The following FRAS1 variants were observed in gnomAD, a reference collection of about 807,000 sequenced individuals.
FRAS1 encodes extracellular matrix organizing protein FRAS1.
Under a neutral mutation model 435.2 loss-of-function variants are expected in FRAS1, and 290 were observed. That is an observed-to-expected ratio of 0.67 (90% CI 0.61 to 0.73). The LOEUF (loss-of-function observed/expected upper bound fraction) is 0.73, where lower values mean the gene tolerates loss of function less well. Ranked by LOEUF, FRAS1 falls within the 30% of genes least tolerant of loss-of-function variation. FRAS1 has a pLI of 0.00. For synonymous variants in FRAS1, 1,800 were observed against 1,851.0 expected (o/e 0.97, Z 0.71); for missense variants, 4,860 against 5,001.5 (o/e 0.97, Z 0.85).
chr4:78,193,628 A>G (rs914005860), intron 2 of FRAS1, among the ~76,000 whole-genome samples: 4 of 152,048 alleles, frequency 2.6e-5, no homozygotes, highest in Non-Finnish European at 4.4e-5. Context: ...TGTTTGGTAG[A>G]TCTTCCTCCA....
chr4:78,191,805 C>G (rs1322818907), intron 2 of FRAS1, among the ~76,000 whole-genome samples: 1 of 151,722 alleles, frequency 6.6e-6, no homozygotes, highest in African/African-American at 2.4e-5. Flanking sequence ...GGTTTCTTGT[C>G]CTTGTGATAA....
intron 2 of FRAS1, among the ~76,000 whole-genome samples, chr4:78,120,749 A>G (rs1269107294): frequency 1.3e-5 from 2 of 152,174 alleles, no homozygotes; most frequent in Non-Finnish European, 2.9e-5. Context: ...CTGCCCGTGA[A>G]TCATAGAGTC....
chr4:78,509,720 A>G (rs1450692079), intron 63 of FRAS1, among the ~76,000 whole-genome samples: 2 of 152,220 alleles, frequency 1.3e-5, no homozygotes, highest in Non-Finnish European at 2.9e-5. Flanking sequence ...ACAGCCCACC[A>G]CAGTGATCCT....
At chr4:78,419,112 T>G (rs1366351083) in intron 33 of FRAS1, 49 bp downstream of exon 33, 1 of 1,074,078 alleles carries the variant, frequency 9.3e-7, no homozygotes. Context: ...TATCTTCTAG[T>G]TTTTTACCAG....
intron 2 of FRAS1, among the ~76,000 whole-genome samples, chr4:78,177,652 A>G (rs1484653970): frequency 6.6e-6 from 1 of 152,162 alleles, no homozygotes; most frequent in Non-Finnish European, 1.5e-5. Context: ...TGCCAGCTCT[A>G]CTTGAGATTA....
chr4:78,487,558 G>A (rs965826429), intron 58 of FRAS1, among the ~76,000 whole-genome samples: 3 of 152,108 alleles, frequency 2.0e-5, no homozygotes, highest in African/African-American at 7.2e-5. Context: ...TGCATTGTTC[G>A]TGAATAAATT....
chr4:78,189,329 G>C (rs1274162200), intron 2 of FRAS1, among the ~76,000 whole-genome samples: 1 of 152,208 alleles, frequency 6.6e-6, no homozygotes, highest in Admixed American at 6.5e-5. Flanking sequence ...ATCCCACTTG[G>C]TTTCCTTCAG....
In FRAS1 at chr4:78,266,891, G is replaced by C. The variant is rs758350655; in HGVS notation, c.745G>C (p.Val249Leu). The C allele has an allele frequency of 1.2e-6, 2 of 1,608,474 alleles. No homozygotes were observed. Among genetic ancestry groups the C allele is most frequent in the African/African-American group, 2.7e-5 (2 of 74,880 alleles). ...CACGTGTATATGTGACCGGGGTGAGGTCAGGTGTCACAAGCAGGCCTGCCT... is the reference window on the plus strand; with the variant it reads ...CACGTGTATATGTGACCGGGGTGAGCTCAGGTGTCACAAGCAGGCCTGCCT... ...CTTCICDRGE[V>L]RCHKQACLPL... is the part of the protein sequence containing the mutation. Residue 249 changes from valine (V) to leucine (L), a missense_variant, in exon 8 of 74, where the codon GTC becomes CTC. By Grantham distance (32) the Val-to-Leu change is conservative. Transcript: ENST00000512123.
chr4:78,335,103 C>T (rs946785642), intron 19 of FRAS1, among the ~76,000 whole-genome samples: 3 of 152,144 alleles, frequency 2.0e-5, no homozygotes, highest in African/African-American at 7.2e-5. Context: ...AACTGGGACA[C>T]TTGAGGACAC....
chr4:78,488,926 G>A lies in FRAS1; in HGVS notation c.8804G>A (p.Gly2935Asp), dbSNP rs1201600906. ...TTGCTCCTAGTGAAGGAGAAGGAGG[G>A]TGTCCTGCATGTCCCTATCACTCGG... ...KDLLLVKEKE[G>D]VLHVPITRSG... Residue 2935 changes from glycine to aspartate, a missense_variant, in exon 59 of 74, where the codon GGT becomes GAT. By Grantham distance (94) the Gly-to-Asp change is moderately conservative. Transcript: ENST00000512123. The A allele has an allele frequency of 1.2e-6, 2 of 1,613,452 alleles. No homozygotes were observed. The highest frequency in any genetic ancestry group is 2.2e-5 in the East Asian group (1 of 44,808).
intron 2 of FRAS1, among the ~76,000 whole-genome samples, chr4:78,219,803 T>C (rs750893940): frequency 1.3e-5 from 2 of 152,210 alleles, no homozygotes; most frequent in Non-Finnish European, 1.5e-5. Context: ...ATGAAGGTTT[T>C]TTTCATTGGC....
At chr4:78,180,593 A>C (rs542318722) in intron 2 of FRAS1, among the ~76,000 whole-genome samples, 1 of 152,326 alleles carries the variant, frequency 6.6e-6, no homozygotes, top group Non-Finnish European at 1.5e-5. Context: ...GCAGCAATAC[A>C]AAAGTATTCA....
At chr4:78,261,856 G>C (rs1726122937) in intron 6 of FRAS1, among the ~76,000 whole-genome samples, 1 of 152,066 alleles carries the variant, frequency 6.6e-6, no homozygotes, top group Admixed American at 6.6e-5. Flanking sequence ...AAGTTTTTAT[G>C]CTTTTCTCTT....
At chr4:78,531,453 T>C (rs1353830326) in intron 70 of FRAS1, among the ~76,000 whole-genome samples, 1 of 150,300 alleles carries the variant, frequency 6.7e-6, no homozygotes, top group East Asian at 1.9e-4. Context: ...TTTTGCCCAT[T>C]CAGTATCATA....
rs551842456 is a variant in FRAS1 at position 78,526,550 on chromosome 4, C to T, written c.10818C>T (p.Tyr3606=). Residue 3606 remains tyrosine, a synonymous_variant, in exon 70 of 74, where the codon TAC becomes TAT. Coordinates refer to ENST00000512123, the MANE Select transcript of FRAS1 (RefSeq NM_025074.7). ...CTCTGCATGTTTCCAGGAAGGACTA[C>T]TCAGGAGAGTACACCATCTACCTGA... is the stretch of plus-strand genomic sequence containing the variant. ...RATSSYNRKD[Y]SGEYTIYLIP... is the part of the protein sequence containing the mutation. The T allele has an allele frequency of 1.9e-6, 3 of 1,590,862 alleles. No individual in the cohort carries two copies. In the East Asian group the frequency reaches 6.8e-5, roughly 36 times the overall value.
chr4:78,213,613 C>T (rs1723612443), intron 2 of FRAS1, among the ~76,000 whole-genome samples: 1 of 152,106 alleles, frequency 6.6e-6, no homozygotes, highest in African/African-American at 2.4e-5. Context: ...AAATGTATAA[C>T]AGATATACTT....
intron 2 of FRAS1, among the ~76,000 whole-genome samples, chr4:78,105,117 T>C (rs1288534522): frequency 3.9e-5 from 6 of 152,204 alleles, no homozygotes; most frequent in Admixed American, 3.9e-4. Flanking sequence ...TGGCTCCCTG[T>C]GGATATGCCC....
At chr4:78,257,934 ATTGT>A (rs1476640177) in intron 6 of FRAS1, among the ~76,000 whole-genome samples, 1 of 152,180 alleles carries the variant, frequency 6.6e-6, no homozygotes, top group Non-Finnish European at 1.5e-5. Context: ...GCTCACTGAA[ATTGT>A]TTGTTCAGTC....
chr4:78,345,258 C>A (rs923486142), intron 20 of FRAS1, among the ~76,000 whole-genome samples: 4 of 152,074 alleles, frequency 2.6e-5, no homozygotes, highest in Admixed American at 2.0e-4. Context: ...CGGAAGCCCC[C>A]CTGAAGAATT....
Sources: gnomAD v4.1 joint callset for allele counts (sites outside exome capture counted in the v4.1 genomes callset) on GRCh38, gnomAD v4.1.1 for gene constraint, MANE v1.5 for transcripts, NCBI Gene and HGNC (gene_info 2026-07-23, HGNC 2026-07-21) for gene names.